The following SLC1A2 variants were observed in gnomAD, a reference collection of about 807,000 sequenced individuals.
SLC1A2 encodes excitatory amino acid transporter 2.
A neutral mutation model predicts 48.8 loss-of-function variants in SLC1A2; 15 were observed. The ratio of observed to expected loss-of-function variants is 0.31; its 90% CI spans 0.21 to 0.47. SLC1A2 has a LOEUF of 0.47. Ranked by LOEUF, SLC1A2 falls within the 20% of genes least tolerant of loss-of-function variation. The pLI, the probability that SLC1A2 is intolerant of heterozygous loss-of-function variation, is 0.99. For synonymous variants in SLC1A2, 279 were observed against 272.6 expected, an observed-to-expected ratio of 1.02 and a Z score of -0.23; for missense variants, 502 against 730.5, an observed-to-expected ratio of 0.69 and a Z score of 3.61.
chr11:35,378,298 C>T (rs1369731275), intron 1 of SLC1A2, among the ~76,000 whole-genome samples: 2 of 152,254 alleles, frequency 1.3e-5, no homozygotes, highest in African/African-American at 4.8e-5. Context: ...TATTCTGAAA[C>T]GTTGTTTGGG....
intron 1 of SLC1A2, among the ~76,000 whole-genome samples, chr11:35,321,098 C>T (rs1852049613): frequency 6.6e-6 from 1 of 152,096 alleles, no homozygotes. Flanking sequence ...ATGGTGGCAG[C>T]AAGGAGAAGC....
intron 7 of SLC1A2, among the ~76,000 whole-genome samples, chr11:35,288,623 T>C (rs1318951326): frequency 1.3e-5 from 2 of 152,244 alleles, no homozygotes; most frequent in African/African-American, 4.8e-5. Flanking sequence ...CATTTATGTT[T>C]ATTATTGCAT....
At chr11:35,376,623 T>G (rs1335491409) in intron 1 of SLC1A2, among the ~76,000 whole-genome samples, 2 of 152,244 alleles carry the variant, frequency 1.3e-5, no homozygotes, top group Non-Finnish European at 2.9e-5. Flanking sequence ...ATCTTTATAA[T>G]TGTAACCAAA....
chr11:35,389,465 C>CTTCTTCTTA (rs1478590806), intron 1 of SLC1A2, among the ~76,000 whole-genome samples: 39 of 151,460 alleles, frequency 2.6e-4, no homozygotes, highest in East Asian at 7.7e-4. Flanking sequence ...TCTTCTTCTT[C>CTTCTTCTTA]TTATTATTAT....
chr11:35,338,219 G>A (rs141147683), intron 1 of SLC1A2, among the ~76,000 whole-genome samples: 6 of 152,300 alleles, frequency 3.9e-5, no homozygotes, highest in African/African-American at 2.4e-5. Context: ...GCAGAGTTGA[G>A]TAATTGCAAC....
chr11:35,322,276 G>A (rs149883433), intron 1 of SLC1A2, among the ~76,000 whole-genome samples: 81 of 152,074 alleles, frequency 5.3e-4, no homozygotes, highest in African/African-American at 1.8e-3. Flanking sequence ...AGAAGGGAAC[G>A]TGTAATGGGG....
chr11:35,414,536 C>T (rs932530813), intron 1 of SLC1A2, among the ~76,000 whole-genome samples: 2 of 152,038 alleles, frequency 1.3e-5, no homozygotes, highest in African/African-American at 2.4e-5. Flanking sequence ...GGGTGAGGGG[C>T]GGGCAGAGGG....
intron 1 of SLC1A2, among the ~76,000 whole-genome samples, chr11:35,333,246 C>G (rs924734498): frequency 2.0e-5 from 3 of 151,902 alleles, no homozygotes; most frequent in Non-Finnish European, 4.4e-5. Flanking sequence ...AACCCCATCT[C>G]TACTAAAAAA....
intron 1 of SLC1A2, among the ~76,000 whole-genome samples, chr11:35,408,177 T>G (rs1389686745): frequency 1.3e-5 from 2 of 152,212 alleles, no homozygotes; most frequent in Non-Finnish European, 2.9e-5. Flanking sequence ...ACCAAGTCCT[T>G]CTAAATATCC....
intron 1 of SLC1A2, among the ~76,000 whole-genome samples, chr11:35,410,954 G>T (rs1051572647): frequency 1.3e-5 from 2 of 152,114 alleles, no homozygotes; most frequent in Non-Finnish European, 2.9e-5. Context: ...ACCAACCAAT[G>T]ACACCTCAAC....
intron 1 of SLC1A2, among the ~76,000 whole-genome samples, chr11:35,321,999 T>C (rs115659202): frequency 8.3e-4 from 126 of 152,234 alleles, no homozygotes; most frequent in African/African-American, 2.8e-3. Flanking sequence ...TGCCTTAATG[T>C]TGGAAGTTCC....
At chr11:35,408,291 C>T (rs1855359009) in intron 1 of SLC1A2, among the ~76,000 whole-genome samples, 1 of 152,188 alleles carries the variant, frequency 6.6e-6, no homozygotes, top group Non-Finnish European at 1.5e-5. Context: ...TGCCTCATCC[C>T]CCTTGATATG....
chr11:35,304,355 T>C (rs1332928174), intron 5 of SLC1A2, among the ~76,000 whole-genome samples: 3 of 151,578 alleles, frequency 2.0e-5, no homozygotes, highest in African/African-American at 7.3e-5. Flanking sequence ...CAAAAGGGGG[T>C]TGGGTGTTTT....
rs1950320831 is a variant in SLC1A2 at position 35,256,811 on chromosome 11, T to C, written c.*4083A>G. On this transcript the variant is annotated 3_prime_UTR_variant, in exon 11 of 11. Coordinates refer to ENST00000278379, the MANE Select transcript of SLC1A2 (RefSeq NM_004171.4). ...TTAGAGAGCAGCTAGGTGAGAAAAA[T>C]CACTTCCACTGGGGTATAACTGCTG... 1 of 151,870 alleles carries C rather than the reference T, an allele frequency of 6.6e-6. No homozygotes were observed. Among genetic ancestry groups the C allele is most frequent in the Non-Finnish European group, 1.5e-5 (1 of 67,982 alleles). The allele number at this position is 151,870 out of a possible 1,614,324, so 9.4% of individuals were successfully genotyped here. A position where few individuals can be genotyped will look rare whatever the true frequency, so the allele number is the denominator to read the frequency against.
At chr11:35,281,422 T>C (rs2236272) in intron 8 of SLC1A2, among the ~76,000 whole-genome samples, 33,615 of 152,130 alleles carry the variant, frequency 0.22, 3,871 homozygotes, top group Admixed American at 0.28. Flanking sequence ...CCAGAGGCTT[T>C]TGGACTATGT....
chr11:35,401,756 C>T (rs1855147211), intron 1 of SLC1A2, among the ~76,000 whole-genome samples: 1 of 152,156 alleles, frequency 6.6e-6, no homozygotes. Flanking sequence ...CATTCTGTCA[C>T]ATGTTTCTCA....
intron 1 of SLC1A2, among the ~76,000 whole-genome samples, chr11:35,412,838 A>C (rs1409767154): frequency 5.3e-5 from 8 of 152,230 alleles, no homozygotes; most frequent in Non-Finnish European, 1.2e-4. Context: ...CCATGTGGTC[A>C]TGCCCTGGGC....
At chr11:35,375,664 C>G (rs78059237) in intron 1 of SLC1A2, among the ~76,000 whole-genome samples, 1 of 152,140 alleles carries the variant, frequency 6.6e-6, no homozygotes, top group Admixed American at 6.5e-5. Context: ...GCTGCAAAGT[C>G]GTCACTCTGG....
chr11:35,386,722 C>T (rs1302397466), intron 1 of SLC1A2, among the ~76,000 whole-genome samples: 1 of 152,146 alleles, frequency 6.6e-6, no homozygotes, highest in Non-Finnish European at 1.5e-5. Flanking sequence ...GTGTCAGGAA[C>T]TTCTTCATAT....
Sources: allele counts gnomAD v4.1 joint callset (sites outside exome capture counted in the v4.1 genomes callset), GRCh38; gene constraint gnomAD v4.1.1; transcripts MANE v1.5; gene names NCBI Gene and HGNC (gene_info 2026-07-23, HGNC 2026-07-21).